Variants in PDS5A observed in about 807,000 individuals in gnomAD.
The protein encoded by PDS5A is PDS5 cohesin associated factor A.
Under a neutral mutation model 167.1 loss-of-function variants are expected in PDS5A, and 42 were observed. The observed-to-expected ratio is 0.25, with a 90% confidence interval of 0.20 to 0.33. PDS5A has a LOEUF of 0.33. PDS5A is among the 10% of genes least tolerant of loss of function. The probability of loss-of-function intolerance (pLI) is 1.00; values close to 1 mark genes in which losing one functional copy is unlikely to be tolerated. For synonymous variants in PDS5A, 553 were observed against 554.6 expected, an observed-to-expected ratio of 1.00 and a Z score of 0.04; for missense variants, 1,033 against 1,605.9, an observed-to-expected ratio of 0.64 and a Z score of 6.10.
intron 16 of PDS5A, among the ~76,000 whole-genome samples, chr4:39,894,346 T>C (rs1560461168): frequency 6.6e-6 from 1 of 151,876 alleles, no homozygotes; most frequent in Non-Finnish European, 1.5e-5. Flanking sequence ...ATGCAGAGGT[T>C]ACGGTGAGCT....
rs548503126 is a variant in PDS5A at position 39,964,267 on chromosome 4, G to A, written c.138+12173C>T. ...TAGAAGACAGAAATATGGAATGGAG[G>A]AAGCTTAGAAGTACTCTGTGCTAGA... On this transcript the variant is annotated intron_variant, in intron 2 of 32. Transcript: ENST00000303538. Among the ~76,000 whole-genome samples the A allele has an allele frequency of 2.6e-5, 4 of 152,306 alleles. No homozygotes were observed. In the South Asian group the frequency reaches 8.3e-4, roughly 32 times the overall value.
At chr4:39,968,798 CAG>C (rs965131008) in intron 2 of PDS5A, among the ~76,000 whole-genome samples, 1 of 148,106 alleles carries the variant, frequency 6.8e-6, no homozygotes, top group African/African-American at 2.5e-5. Flanking sequence ...TTTCTCGTGA[CAG>C]AGTCTTGCCC....
intron 7 of PDS5A, among the ~76,000 whole-genome samples, chr4:39,917,417 CAA>C (rs1002155765): frequency 6.7e-6 from 1 of 149,304 alleles, no homozygotes; most frequent in Non-Finnish European, 1.5e-5. Flanking sequence ...AGGAGAAAAG[CAA>C]AAAAAAATTG....
intron 26 of PDS5A, among the ~76,000 whole-genome samples, chr4:39,854,502 G>C (rs749824391): frequency 3.3e-5 from 5 of 152,006 alleles, no homozygotes; most frequent in Non-Finnish European, 5.9e-5. Flanking sequence ...CTGATTCTCT[G>C]TTCTTTCCAG....
intron 17 of PDS5A, among the ~76,000 whole-genome samples, chr4:39,888,473 T>C (rs548477098): frequency 7.9e-5 from 12 of 151,932 alleles, no homozygotes; most frequent in Non-Finnish European, 1.5e-4. Context: ...GAAATTAATA[T>C]ATTGAAGAGA....
Position 39,910,272 on chromosome 4 carries a change from A to G in PDS5A, c.1059T>C (p.Asn353=). ...TGAGATCCTTCGCTAAATCTGGGTGATTCATTAAACAATGACTGGCAAATT... is the reference window on the plus strand; with the variant it reads ...TGAGATCCTTCGCTAAATCTGGGTGGTTCATTAAACAATGACTGGCAAATT... The part of the protein sequence containing the change: ...SVKFASHCLM[N]HPDLAKDLTE... The change falls in exon 10 of 33, where the codon AAT becomes AAC. Residue 353 remains asparagine, a synonymous_variant. Transcript: ENST00000303538. 1 of 1,585,872 alleles carries G rather than the reference A, an allele frequency of 6.3e-7. No homozygotes were observed. Among genetic ancestry groups the G allele is most frequent in the Non-Finnish European group, 8.6e-7 (1 of 1,158,676 alleles).
At chr4:39,870,873 C>T (rs1719969569) in intron 21 of PDS5A, among the ~76,000 whole-genome samples, 1 of 152,048 alleles carries the variant, frequency 6.6e-6, no homozygotes, top group African/African-American at 2.4e-5. Context: ...ATGTTTATAT[C>T]AGCATTATTC....
chr4:39,860,559 C>G (rs1718901737), intron 26 of PDS5A, among the ~76,000 whole-genome samples: 1 of 151,862 alleles, frequency 6.6e-6, no homozygotes. Context: ...CTATTTACAA[C>G]AGCCAAGATA....
intron 2 of PDS5A, chr4:39,973,787 C>G: frequency 7.9e-7 from 1 of 1,263,672 alleles, no homozygotes. Flanking sequence ...TACCAGCCAG[C>G]ACCTCCTTCA....
At chr4:39,895,199 C>CAA (rs34303340) in intron 16 of PDS5A, among the ~76,000 whole-genome samples, 1,343 of 91,798 alleles carry the variant, frequency 0.015, 31 homozygotes, top group South Asian at 0.041. Context: ...GACTCCGTCT[C>CAA]AAAAAAAAAA....
At chr4:39,928,233 TA>T (rs149442914) in intron 2 of PDS5A, 69 bp from the exon 3 acceptor site, 132,678 of 725,444 alleles carry the variant, frequency 0.18, 1,908 homozygotes, top group South Asian at 0.24. Flanking sequence ...GGATGTGATT[TA>T]AAAAAAAAAA....
chr4:39,829,080 G>A (rs569981419), intron 32 of PDS5A, among the ~76,000 whole-genome samples: 1 of 152,256 alleles, frequency 6.6e-6, no homozygotes, highest in East Asian at 1.9e-4. Context: ...TCACCCTGTA[G>A]CTCAGCGGTG....
chr4:39,942,418 A>C (rs1314896169), intron 2 of PDS5A, among the ~76,000 whole-genome samples: 1 of 152,130 alleles, frequency 6.6e-6, no homozygotes, highest in African/African-American at 2.4e-5. Flanking sequence ...ATACGCTCTT[A>C]CTAAATTCTT....
rs1412549598 is a variant in PDS5A at position 39,977,564 on chromosome 4, C to T, written c.-148G>A. 3.7e-5 allele frequency: 6 copies of T among 161,668 alleles called. No individual in the cohort carries two copies. Among genetic ancestry groups the T allele is most frequent in the Non-Finnish European group, 6.5e-5 (5 of 76,510 alleles). 10.0% of individuals were successfully genotyped at this position (161,668 alleles called of 1,614,324 possible). A position where few individuals can be genotyped will look rare whatever the true frequency, so the allele number is the denominator to read the frequency against. ...CACAAAGCGGCTCCGCGGGTCCCGC[C>T]GCCGCCGCCGCCGCCGCCCGCCCGC... On this transcript the variant is annotated 5_prime_UTR_variant, in exon 1 of 33. Coordinates refer to ENST00000303538, the MANE Select transcript of PDS5A (RefSeq NM_001100399.2). The surrounding 1 kb of genome is among the most constrained non-coding windows in gnomAD (Gnocchi z 4.2).
chr4:39,913,641 T>C lies in PDS5A; in HGVS notation c.962A>G (p.Asn321Ser). Reference protein sequence around the residue: ...GSKDSDLATQNRPLWQCFLGR... With the variant: ...GSKDSDLATQSRPLWQCFLGR... ...AAGAAAACATTGCCAAAGAGGACGA[T>C]TCTGTGTTGCCAAATCAGAATCTTT... The change falls in exon 9 of 33, where the codon AAT becomes AGT. Residue 321 changes from asparagine (N) to serine (S), a missense_variant. Physicochemically the swap from Asn to Ser is conservative, Grantham distance 46 (BLOSUM62 1). Coordinates refer to ENST00000303538, the MANE Select transcript of PDS5A (RefSeq NM_001100399.2). 1 of 1,607,066 alleles carries C rather than the reference T, an allele frequency of 6.2e-7. No homozygotes were observed. The highest frequency in any genetic ancestry group is 8.5e-7 in the Non-Finnish European group (1 of 1,173,644).
chr4:39,893,453 G>A (rs1027741262), intron 16 of PDS5A, among the ~76,000 whole-genome samples: 1 of 152,094 alleles, frequency 6.6e-6, no homozygotes, highest in Non-Finnish European at 1.5e-5. Context: ...ACTAACTCTC[G>A]TATCAAGTAA....
At chr4:39,930,468 G>A (rs1028186382) in intron 2 of PDS5A, among the ~76,000 whole-genome samples, 2 of 151,550 alleles carry the variant, frequency 1.3e-5, no homozygotes, top group Admixed American at 1.3e-4. Context: ...AATCCCAATG[G>A]CTGATTTTCT....
In PDS5A at chr4:39,908,484, C is replaced by T. The variant is rs1485607630; in HGVS notation, c.1144G>A (p.Val382Ile). Residue 382 changes from valine (V) to isoleucine (I), a missense_variant, in exon 11 of 33, where the codon GTT becomes ATT. Physicochemically the swap from Val to Ile is conservative, Grantham distance 29. Around this residue, in one of 4 missense-constraint regions of PDS5A, gnomAD observed 388 missense variants for 615.1 expected, o/e 0.63. Coordinates refer to ENST00000303538, the MANE Select transcript of PDS5A (RefSeq NM_001100399.2). ...PEEAIRHDVI[V>I]TIITAAKRDL... ...CTCTTGGCAGCTGTTATTATAGTAA[C>T]AATGACATCATGACGAATAGCTTCT... The T allele has an allele frequency of 1.9e-6, 3 of 1,597,450 alleles. No individual in the cohort carries two copies. Among genetic ancestry groups the T allele is most frequent in the Non-Finnish European group, 2.6e-6 (3 of 1,164,952 alleles).
rs201306746 is a variant in PDS5A, at chr4:39,976,530, G to A, written c.48C>T (p.Val16=). The A allele has an allele frequency of 1.2e-4, 193 of 1,613,378 alleles. No homozygotes were observed. The highest frequency in any genetic ancestry group is 1.5e-4 in the Admixed American group (9 of 60,018). Residue 16 remains valine (V), a synonymous_variant, in exon 2 of 33, where the codon GTC becomes GTT. Transcript: ENST00000303538. The part of the protein sequence containing the change: ...QPKPATALCG[V]VSADGKIAYP... ...AAGCGATCTTCCCGTCGGCACTCAC[G>A]ACGCCACAGAGGGCAGTGGCAGGCT...
Sources: allele counts gnomAD v4.1 joint callset (sites outside exome capture counted in the v4.1 genomes callset), GRCh38; gene constraint gnomAD v4.1.1; regional missense constraint gnomAD v4.1.1; non-coding constraint Gnocchi (gnomAD v3.1); transcripts MANE v1.5; gene names NCBI Gene and HGNC (gene_info 2026-07-23, HGNC 2026-07-21).